The following ZNF468 variants were observed in gnomAD, a reference collection of about 807,000 sequenced individuals.
ZNF468 encodes zinc finger protein ZNF468.
Under a neutral mutation model 7.2 loss-of-function variants are expected in ZNF468, and 8 were observed. The observed-to-expected ratio is 1.11, with a 90% CI of 0.65 to 2.01. The LOEUF (loss-of-function observed/expected upper bound fraction) is 2.01, where lower values mean the gene tolerates loss of function less well. Among genes scored for constraint, ZNF468 ranks in the 30% most tolerant of loss-of-function variants. ZNF468 has a pLI of 0.00. For missense variants in ZNF468, 608 were observed against 626.5 expected, an observed-to-expected ratio of 0.97 and a Z score of 0.31; for synonymous variants, 218 against 214.4, an observed-to-expected ratio of 1.02 and a Z score of -0.15.
At chr19:52,851,347 T>G (rs1328817390) in intron 2 of ZNF468, among the ~76,000 whole-genome samples, 1 of 151,920 alleles carries the variant, frequency 6.6e-6, no homozygotes, top group Non-Finnish European at 1.5e-5. Flanking sequence ...GAGGCTGAGG[T>G]GGGCATATCA....
In ZNF468 at chr19:52,838,453, T is replaced by C. The variant is rs1257727454; in HGVS notation, c.*2272A>G. The stretch of plus-strand genomic sequence containing the variant: ...AGGATCTCACATGATGCAAGAATGC[T>C]CTCACCCCTTCTATTCAATCAATAC... On this transcript the variant is annotated 3_prime_UTR_variant, in exon 4 of 4. Transcript: ENST00000595646. 6.6e-6 allele frequency: 1 copy of C among 152,096 alleles called. No homozygotes were observed. The highest frequency in any genetic ancestry group is 1.5e-5 in the Non-Finnish European group (1 of 68,006). The allele number at this position is 152,096 out of a possible 1,614,324, so 9.4% of individuals were successfully genotyped here. A position where few individuals can be genotyped will look rare whatever the true frequency, so the allele number is the denominator to read the frequency against.
rs941218076 is a variant in ZNF468 at position 52,839,403 on chromosome 19, A to G, written c.*1322T>C. The G allele has an allele frequency of 1.3e-5, 4 of 306,590 alleles. No homozygotes were observed. The East Asian group carries it at 3.5e-4, about 27-fold the overall frequency. The allele number at this position is 306,590 out of a possible 1,614,324, so 19.0% of individuals were successfully genotyped here. On this transcript the variant is annotated 3_prime_UTR_variant, in exon 4 of 4. Coordinates refer to ENST00000595646, the MANE Select transcript of ZNF468 (RefSeq NM_001008801.2). ...AGGCATGAGCCATGGCCCCCAGTGCAATCCTCTTAACATAAACAGTTTAAT... is the reference window on the plus strand; with the variant it reads ...AGGCATGAGCCATGGCCCCCAGTGCGATCCTCTTAACATAAACAGTTTAAT...
chr19:52,842,050 T>C lies in ZNF468; in HGVS notation c.244A>G (p.Ile82Val). Residue 82 changes from isoleucine (I) to valine (V), a missense_variant, in exon 4 of 4, where the codon ATT becomes GTT. Physicochemically the swap from Ile to Val is conservative, Grantham distance 29. Transcript: ENST00000595646. ...GTLHRQASHH[I>V]GEFCFHEIEK... ...ATTTCATGGAAACAAAATTCTCCAA[T>C]GTGATGACTTGCTTGTCTGTGCAAT... 6.2e-7 allele frequency: 1 copy of C among 1,614,016 alleles called. No homozygotes were observed. The highest frequency in any genetic ancestry group is 8.5e-7 in the Non-Finnish European group (1 of 1,179,952).
chr19:52,849,333 C>G (rs1413091464), intron 2 of ZNF468, 120 bp from the exon 3 acceptor site: 2 of 1,553,998 alleles, frequency 1.3e-6, no homozygotes, highest in Admixed American at 1.9e-5. Context: ...CTGACAAATC[C>G]AAATAAGGGA....
chr19:52,851,742 A>C (rs572236593), intron 2 of ZNF468, among the ~76,000 whole-genome samples: 2 of 152,274 alleles, frequency 1.3e-5, no homozygotes, highest in East Asian at 1.9e-4. Context: ...CCTTCTCTCA[A>C]AATGAAATAA....
chr19:52,854,095 C>T (rs377509244), intron 2 of ZNF468, 163 bp downstream of exon 2: 41 of 1,543,634 alleles, frequency 2.7e-5, no homozygotes, highest in East Asian at 4.6e-5. Flanking sequence ...CACTGGGTCA[C>T]GAGAGACGGA....
intron 2 of ZNF468, chr19:52,854,017 G>A (rs768462398): frequency 8.7e-6 from 13 of 1,489,966 alleles, no homozygotes; most frequent in African/African-American, 1.4e-5. Flanking sequence ...CTCACCCCGT[G>A]TCCATCCATG....
intron 3 of ZNF468, among the ~76,000 whole-genome samples, chr19:52,848,795 C>CA (rs1220328790): frequency 2.0e-5 from 3 of 152,162 alleles, no homozygotes; most frequent in Admixed American, 1.3e-4. Context: ...TAGTGATCCA[C>CA]ATGCCTTGGC....
chr19:52,854,085 C>G (rs1349681675), intron 2 of ZNF468, 173 bp downstream of exon 2: 2 of 1,530,868 alleles, frequency 1.3e-6, no homozygotes, highest in Non-Finnish European at 1.8e-6. Flanking sequence ...AAGTTCATGA[C>G]ACTGGGTCAC....
chr19:52,854,517 C>T (rs2063419537), intron 1 of ZNF468, among the ~76,000 whole-genome samples, 172 bp from the exon 2 acceptor site: 1 of 152,094 alleles, frequency 6.6e-6, no homozygotes, highest in Non-Finnish European at 1.5e-5. Context: ...CCTGGAGAAG[C>T]CCACACACAC....
intron 2 of ZNF468, among the ~76,000 whole-genome samples, chr19:52,851,000 T>C (rs1812605248): frequency 6.6e-6 from 1 of 152,046 alleles, no homozygotes; most frequent in African/African-American, 2.4e-5. Flanking sequence ...GGGCTGGGTA[T>C]GGTGACTCGT....
chr19:52,840,743 A>G lies in ZNF468; in HGVS notation c.1551T>C (p.His517=), dbSNP rs1364236642. 13 of 1,613,814 alleles carry G rather than the reference A, an allele frequency of 8.1e-6. No homozygotes were observed. The highest frequency in any genetic ancestry group is 1.1e-5 in the Non-Finnish European group (13 of 1,179,956). Reference sequence around the variant, plus strand: ...TACACTATTAAGGCTTCTCTCCACTATGAAGCCTATGATGGTATACAAGGG... The same window carrying G: ...TACACTATTAAGGCTTCTCTCCACTGTGAAGCCTATGATGGTATACAAGGG... ...MSSLVYHHRL[H]SGEKP Residue 517 remains histidine, a synonymous_variant, in exon 4 of 4, where the codon CAT becomes CAC. Transcript: ENST00000595646.
At chr19:52,848,752 T>G (rs553050058) in intron 3 of ZNF468, among the ~76,000 whole-genome samples, 2 of 152,222 alleles carry the variant, frequency 1.3e-5, no homozygotes, top group Admixed American at 1.3e-4. Flanking sequence ...GGTTTCTCCA[T>G]GTTGATCATG....
In ZNF468 at chr19:52,841,991, C is replaced by G; in HGVS notation, c.303G>C (p.Trp101Cys). 2.5e-6 allele frequency: 4 copies of G among 1,613,900 alleles called. No homozygotes were observed. The highest frequency in any genetic ancestry group is 1.7e-6 in the Non-Finnish European group (2 of 1,179,912). Reference sequence around the variant, plus strand: ...CATGGCCATTTGTTTCATCTTCTTTCCACTGAAACTCGAAGCCATGAATGT... The same window carrying G: ...CATGGCCATTTGTTTCATCTTCTTTGCACTGAAACTCGAAGCCATGAATGT... Reference protein sequence around the residue: ...EKDIHGFEFQWKEDETNGHAA... With the variant: ...EKDIHGFEFQCKEDETNGHAA... Residue 101 changes from tryptophan (W) to cysteine (C), a missense_variant, in exon 4 of 4, where the codon TGG (tryptophan) becomes TGC (cysteine). Coordinates refer to ENST00000595646, the MANE Select transcript of ZNF468 (RefSeq NM_001008801.2).
chr19:52,841,151 T>C lies in ZNF468; in HGVS notation c.1143A>G (p.Lys381=), dbSNP rs2063294640. The change falls in exon 4 of 4, where the codon AAA becomes AAG. Residue 381 remains lysine, a synonymous_variant. Transcript: ENST00000595646. ...ARHHRLHTGE[K]PYKCEECDKV... ...TGTCACACTCTTCACATTTGTAAGG[T>C]TTCTCTCCAGTATGAAGTCTATGAT... The C allele has an allele frequency of 1.5e-5, 24 of 1,613,460 alleles. No homozygotes were observed. Among genetic ancestry groups the C allele is most frequent in the Non-Finnish European group, 1.9e-5 (22 of 1,179,534 alleles).
intron 2 of ZNF468, among the ~76,000 whole-genome samples, chr19:52,852,106 T>C (rs9304739): frequency 0.38 from 57,811 of 151,760 alleles, 12,912 homozygotes; most frequent in African/African-American, 0.61. Context: ...TGGCTCACAC[T>C]TGTAATCTCA....
rs564665407 is a variant in ZNF468 at position 52,842,251 on chromosome 19, A to G, written c.143-100T>C. The G allele has an allele frequency of 3.7e-5, 41 of 1,113,506 alleles. No homozygotes were observed. The South Asian group carries it at 8.6e-4, about 23-fold the overall frequency. 69.0% of individuals were successfully genotyped at this position (1,113,506 alleles called of 1,614,324 possible). ...AGAAAAAAAACAATACTTATTTTCA[A>G]CTTCCCAAACGTGAGCTTCAAAGTT... On this transcript the variant is annotated intron_variant, in intron 3 of 3. Coordinates refer to ENST00000595646, the MANE Select transcript of ZNF468 (RefSeq NM_001008801.2).
Position 52,854,365 on chromosome 19 carries a change from T to G in ZNF468, c.-73-20A>C. 1 of 1,597,378 alleles carries G rather than the reference T, an allele frequency of 6.3e-7. No homozygotes were observed. Among genetic ancestry groups the G allele is most frequent in the Non-Finnish European group, 8.6e-7 (1 of 1,167,448 alleles). ...TCAATCCTGAATGTTAAAAATATGTTGTTTATCACTCAGAATCAACACACC... is the reference window on the plus strand; with the variant it reads ...TCAATCCTGAATGTTAAAAATATGTGGTTTATCACTCAGAATCAACACACC... On this transcript the variant is annotated intron_variant, in intron 1 of 3. Transcript: ENST00000595646.
chr19:52,841,903 C>G lies in ZNF468; in HGVS notation c.391G>C (p.Ala131Pro). The G allele has an allele frequency of 6.2e-7, 1 of 1,614,094 alleles. No homozygotes were observed. Among genetic ancestry groups the G allele is most frequent in the Non-Finnish European group, 8.5e-7 (1 of 1,180,012 alleles). The stretch of plus-strand genomic sequence containing the variant: ...TGATCTTTAATACGCTTGTTTCCAG[C>G]ATGCCTTTGATCATGTTGGCCTGTA... ...GSTGQHDQRHAGNKRIKDQLG... is the reference protein window; with the variant it reads ...GSTGQHDQRHPGNKRIKDQLG... The change falls in exon 4 of 4, where the codon GCT (alanine) becomes CCT (proline). Residue 131 changes from alanine (A) to proline (P), a missense_variant. Physicochemically the swap from Ala to Pro is conservative, Grantham distance 27 (BLOSUM62 -1). Coordinates refer to ENST00000595646, the MANE Select transcript of ZNF468 (RefSeq NM_001008801.2).
Sources: allele counts gnomAD v4.1 joint callset (sites outside exome capture counted in the v4.1 genomes callset), GRCh38; gene constraint gnomAD v4.1.1; transcripts MANE v1.5; gene names NCBI Gene and HGNC (gene_info 2026-07-23, HGNC 2026-07-21).